Variants in CYP7B1 observed in about 807,000 individuals in gnomAD.
CYP7B1 encodes the protein cytochrome P450 family 7 subfamily B member 1.
A neutral mutation model predicts 42.7 loss-of-function variants in CYP7B1; 29 were observed. That is an observed-to-expected ratio of 0.68 (90% CI 0.51 to 0.93). The LOEUF (loss-of-function observed/expected upper bound fraction) is 0.93, where lower values mean the gene tolerates loss of function less well. CYP7B1 is among the 40% of genes least tolerant of loss of function. CYP7B1 has a pLI of 0.00. For missense variants in CYP7B1, 655 were observed against 600.5 expected (o/e 1.09, Z -0.95); for synonymous variants, 235 against 218.2 (o/e 1.08, Z -0.68).
chr8:64,738,706 A>C (rs535064437), intron 1 of CYP7B1, among the ~76,000 whole-genome samples: 1 of 152,248 alleles, frequency 6.6e-6, no homozygotes, highest in African/African-American at 2.4e-5. Context: ...AAAATCAACA[A>C]TTTTTCTTGG....
In CYP7B1 at chr8:64,594,866, T is replaced by A. The variant is rs1393599668; in HGVS notation, c.*1776A>T. ...ATGTAGAGTGTGAGAACAGTAATAT[T>A]CACAGAGAGAATGGCTGAGAAGATT... On this transcript the variant is annotated 3_prime_UTR_variant, in exon 6 of 6. Transcript: ENST00000310193. 1.3e-5 allele frequency among the ~76,000 whole-genome samples: 2 copies of A among 152,174 alleles called. No individual in the cohort carries two copies. Among genetic ancestry groups the A allele is most frequent in the African/African-American group, 4.8e-5 (2 of 41,438 alleles).
At chr8:64,724,703 T>C (rs192059652) in intron 1 of CYP7B1, among the ~76,000 whole-genome samples, 1 of 152,288 alleles carries the variant, frequency 6.6e-6, no homozygotes, top group East Asian at 1.9e-4. Context: ...CAAAGTATGA[T>C]GCTTTGGTGT....
chr8:64,761,418 T>A (rs1049033748), intron 1 of CYP7B1, among the ~76,000 whole-genome samples: 14 of 152,136 alleles, frequency 9.2e-5, no homozygotes, highest in African/African-American at 2.7e-4. Flanking sequence ...TAAGATATAC[T>A]CATATAAAAC....
intron 1 of CYP7B1, among the ~76,000 whole-genome samples, chr8:64,664,293 C>T (rs1291988645): frequency 6.6e-6 from 1 of 152,128 alleles, no homozygotes; most frequent in Non-Finnish European, 1.5e-5. Context: ...CAGGCCACAC[C>T]ATATATATTT....
At chr8:64,764,733 C>T (rs183726806) in intron 1 of CYP7B1, among the ~76,000 whole-genome samples, 24 of 152,236 alleles carry the variant, frequency 1.6e-4, no homozygotes, top group African/African-American at 5.5e-4. Context: ...TAGAGGAAAA[C>T]TCATTGTGAG....
intron 1 of CYP7B1, among the ~76,000 whole-genome samples, chr8:64,686,393 C>T (rs1326389319): frequency 2.0e-4 from 7 of 34,176 alleles, no homozygotes; most frequent in East Asian, 4.5e-4. Flanking sequence ...CCGCCCCGTC[C>T]GGGAGGGAGG....
intron 1 of CYP7B1, among the ~76,000 whole-genome samples, chr8:64,631,291 A>C (rs966152637): frequency 1.3e-5 from 2 of 152,230 alleles, no homozygotes; most frequent in African/African-American, 4.8e-5. Flanking sequence ...ACATTCAAAA[A>C]TGAATTAATG....
chr8:64,615,562 A>G, intron 3 of CYP7B1, 129 bp downstream of exon 3: 1 of 929,900 alleles, frequency 1.1e-6, no homozygotes, highest in Non-Finnish European at 1.7e-6. Context: ...ATATCAGAGT[A>G]AAACATTTTA....
chr8:64,730,751 G>GCACACACACACACA lies in CYP7B1; in HGVS notation c.122+67701_122+67714dup, dbSNP rs61050207. 3.7e-3 allele frequency among the ~76,000 whole-genome samples: 526 copies of GCACACACACACACA among 142,958 alleles called. 9 individuals carry two copies. Among genetic ancestry groups the GCACACACACACACA allele is most frequent in the African/African-American group, 0.012 (465 of 37,384 alleles). 93.8% of individuals were successfully genotyped at this position (142,958 alleles called of 152,430 possible). On this transcript the variant is annotated intron_variant, in intron 1 of 5. Coordinates refer to ENST00000310193, the MANE Select transcript of CYP7B1 (RefSeq NM_004820.5). Reference sequence around the variant, plus strand: ...GAACCCTGTGAAGCAAGGACTGTCTGCACACACACACACACACACACACAC... The same window carrying GCACACACACACACA: ...GAACCCTGTGAAGCAAGGACTGTCTGCACACACACACACACACACACACACACACACACACACAC...
At chr8:64,746,293 T>C (rs963946725) in intron 1 of CYP7B1, among the ~76,000 whole-genome samples, 7 of 152,196 alleles carry the variant, frequency 4.6e-5, no homozygotes, top group African/African-American at 1.7e-4. Context: ...CTGTTGTCTA[T>C]TTAAAGGCAA....
At chr8:64,672,528 A>G (rs1474188314) in intron 1 of CYP7B1, among the ~76,000 whole-genome samples, 2 of 152,122 alleles carry the variant, frequency 1.3e-5, no homozygotes, top group African/African-American at 4.8e-5. Context: ...CCTATATTTC[A>G]TCTTTCTTAC....
intron 1 of CYP7B1, among the ~76,000 whole-genome samples, chr8:64,638,269 A>G (rs938942047): frequency 1.1e-4 from 17 of 152,070 alleles, no homozygotes; most frequent in African/African-American, 3.9e-4. Flanking sequence ...TATTTGCAAT[A>G]AGGCTGTGTG....
intron 1 of CYP7B1, among the ~76,000 whole-genome samples, chr8:64,754,596 G>C (rs191301383): frequency 2.5e-3 from 377 of 152,258 alleles, no homozygotes; most frequent in African/African-American, 8.3e-3. Flanking sequence ...AGTAGGGAGG[G>C]AGGGAGGCCT....
chr8:64,646,273 T>C (rs1021374542), intron 1 of CYP7B1, among the ~76,000 whole-genome samples: 2 of 151,702 alleles, frequency 1.3e-5, no homozygotes, highest in African/African-American at 4.8e-5. Context: ...ACCCACAAAA[T>C]GGGAGAAAAT....
Position 64,615,194 on chromosome 8 carries a change from T to C in CYP7B1, c.889A>G (p.Thr297Ala), listed in dbSNP as rs587777222. 40 of 1,613,262 alleles carry C rather than the reference T, an allele frequency of 2.5e-5. No homozygotes were observed. The highest frequency in any genetic ancestry group is 3.2e-5 in the Non-Finnish European group (38 of 1,179,640). Residue 297 changes from threonine (T) to alanine (A), a missense_variant, in exon 4 of 6, where the codon ACT (threonine) becomes GCT (alanine). Coordinates refer to ENST00000310193, the MANE Select transcript of CYP7B1 (RefSeq NM_004820.5). ...LGFLWASVANTIPTMFWAMYY... is the reference protein window; with the variant it reads ...LGFLWASVANAIPTMFWAMYY... ...ATTGCCCAGAACATAGTTGGAATAG[T>C]GTTTGCCACAGAGGCCCAGAGAAAG...
intron 2 of CYP7B1, among the ~76,000 whole-genome samples, chr8:64,617,388 T>C (rs541023711): frequency 6.6e-4 from 100 of 152,284 alleles, no homozygotes; most frequent in South Asian, 6.2e-3. Context: ...GTTTACCATC[T>C]GCATTTATCA....
chr8:64,685,398 G>A (rs1806610300), intron 1 of CYP7B1, among the ~76,000 whole-genome samples: 1 of 104,450 alleles, frequency 9.6e-6, no homozygotes, highest in African/African-American at 3.7e-5. Context: ...CCGCCCGGCC[G>A]CCATCCCATC....
chr8:64,722,762 G>GGGGGT (rs1807264709), intron 1 of CYP7B1, among the ~76,000 whole-genome samples: 1 of 120,692 alleles, frequency 8.3e-6, no homozygotes, highest in Admixed American at 8.5e-5. Flanking sequence ...GGGGGCGGGA[G>GGGGGT]GTTTTTTTTT....
intron 1 of CYP7B1, among the ~76,000 whole-genome samples, chr8:64,787,840 TG>T (rs927481310): frequency 3.9e-5 from 6 of 152,210 alleles, no homozygotes; most frequent in East Asian, 1.9e-4. Flanking sequence ...TCTGCATGGC[TG>T]GGGGGCCTCA....
Sources: gnomAD v4.1 joint callset for allele counts (sites outside exome capture counted in the v4.1 genomes callset) on GRCh38, gnomAD v4.1.1 for gene constraint, MANE v1.5 for transcripts, NCBI Gene and HGNC (gene_info 2026-07-23, HGNC 2026-07-21) for gene names.